CABIN1: variants seen among roughly 807,000 people sequenced by gnomAD.
CABIN1 encodes calcineurin-binding protein cabin-1.
CABIN1 carries 133 observed loss-of-function variants against 227.7 expected under a neutral mutation model. The observed-to-expected ratio is 0.58, with a 90% CI of 0.51 to 0.67. CABIN1 has a LOEUF of 0.67. Ranked by LOEUF, CABIN1 falls within the 30% of genes least tolerant of loss-of-function variation. CABIN1 has a pLI of 0.00. For synonymous variants in CABIN1, 1,086 were observed against 1,155.1 expected (o/e 0.94, Z 1.21); for missense variants, 2,408 against 2,852.5 (o/e 0.84, Z 3.55).
At chr22:24,048,761 A>G (rs534755405) in intron 6 of CABIN1, among the ~76,000 whole-genome samples, 184 of 152,280 alleles carry the variant, frequency 1.2e-3, no homozygotes, top group African/African-American at 3.4e-3. Context: ...TAGCCAATAG[A>G]TAATCACTGT....
At chr22:24,102,929 C>G (rs2147519128) in intron 26 of CABIN1, 1 of 152,910 alleles carries the variant, frequency 6.5e-6, no homozygotes, top group Admixed American at 6.5e-5. Context: ...CATGCTGTCA[C>G]CGTCTGTGTC....
chr22:24,026,010 A>AT (rs1040163733), intron 1 of CABIN1, among the ~76,000 whole-genome samples: 13 of 151,826 alleles, frequency 8.6e-5, no homozygotes, highest in South Asian at 6.2e-4. Flanking sequence ...ATTTTTTTGT[A>AT]TTTTTTTGTA....
chr22:24,115,220 T>G (rs1464455040), intron 27 of CABIN1, among the ~76,000 whole-genome samples: 1 of 152,224 alleles, frequency 6.6e-6, no homozygotes, highest in Admixed American at 6.5e-5. Flanking sequence ...CATCATGAGC[T>G]TCTTTCCCAC....
At chr22:24,110,953 A>AT (rs2042777018) in intron 26 of CABIN1, among the ~76,000 whole-genome samples, 1 of 148,906 alleles carries the variant, frequency 6.7e-6, no homozygotes, top group Admixed American at 6.7e-5. Context: ...GTCTTTTATT[A>AT]TTTTTGGGAA....
At chr22:24,012,178 C>T (rs2034864371) in intron 1 of CABIN1, among the ~76,000 whole-genome samples, 1 of 152,120 alleles carries the variant, frequency 6.6e-6, no homozygotes, top group Non-Finnish European at 1.5e-5. Context: ...GGGGTCCATA[C>T]TCTGTCTACT....
At chr22:24,129,361 G>T (rs771239751) in intron 28 of CABIN1, among the ~76,000 whole-genome samples, 2 of 152,278 alleles carry the variant, frequency 1.3e-5, no homozygotes, top group South Asian at 4.1e-4. Flanking sequence ...TAGTGGGCGG[G>T]GGCTGGCATT....
At chr22:24,136,348 T>G (rs556190251) in intron 29 of CABIN1, among the ~76,000 whole-genome samples, 3 of 103,458 alleles carry the variant, frequency 2.9e-5, no homozygotes, top group African/African-American at 1.4e-4. Flanking sequence ...CCATCCCTCC[T>G]TTTTTTTTTT....
intron 17 of CABIN1, 110 bp downstream of exon 17, chr22:24,071,152 G>T: frequency 6.9e-7 from 1 of 1,446,512 alleles, no homozygotes; most frequent in Non-Finnish European, 9.6e-7. Flanking sequence ...ACCCAAAGGG[G>T]ACATGATGGC....
At chr22:24,174,767 C>T (rs1227907070) in intron 34 of CABIN1, among the ~76,000 whole-genome samples, 2 of 152,134 alleles carry the variant, frequency 1.3e-5, no homozygotes, top group African/African-American at 2.4e-5. Context: ...CTATAAACAG[C>T]TGAGTGTCCC....
Position 24,176,030 on chromosome 22 carries a change from G to T in CABIN1, c.6041-81G>T, listed in dbSNP as rs543827388. On this transcript the variant is annotated intron_variant, in intron 34 of 36. Coordinates refer to ENST00000263119, the MANE Select transcript of CABIN1 (RefSeq NM_012295.4). Reference sequence around the variant, plus strand: ...CCCAGTGTCCCAGGGCACAACCTGGGCCCATAGGACCTGACACAGATGCGT... The same window carrying T: ...CCCAGTGTCCCAGGGCACAACCTGGTCCCATAGGACCTGACACAGATGCGT... The T allele has an allele frequency of 7.4e-6, 11 of 1,486,430 alleles. No homozygotes were observed. In the Admixed American group the frequency reaches 9.7e-5, roughly 13 times the overall value. 92.1% of individuals were successfully genotyped at this position (1,486,430 alleles called of 1,614,324 possible).
chr22:24,174,832 G>A (rs2047016523), intron 34 of CABIN1, among the ~76,000 whole-genome samples: 1 of 152,098 alleles, frequency 6.6e-6, no homozygotes, highest in East Asian at 1.9e-4. Context: ...AGAGAACACA[G>A]AGGAAGCCAT....
At chr22:24,123,939 G>A (rs1431054240) in intron 28 of CABIN1, among the ~76,000 whole-genome samples, 6 of 152,228 alleles carry the variant, frequency 3.9e-5, no homozygotes, top group Non-Finnish European at 8.8e-5. Context: ...GCCTGGAGCT[G>A]TGTGGTTGAC....
intron 28 of CABIN1, among the ~76,000 whole-genome samples, chr22:24,125,965 CA>C (rs1409536823): frequency 6.6e-5 from 10 of 152,184 alleles, no homozygotes; most frequent in African/African-American, 2.2e-4. Flanking sequence ...CTCTCTCCTG[CA>C]AAGAAATGCA....
chr22:24,156,095 C>CG, intron 29 of CABIN1: 1 of 413,480 alleles, frequency 2.4e-6, no homozygotes, highest in Non-Finnish European at 4.3e-6. Flanking sequence ...TTGGCGGGGG[C>CG]GGGGGCCGGG....
Position 24,098,046 on chromosome 22 carries a change from A to T in CABIN1, c.3971A>T (p.His1324Leu). ...EKACLVDEDSHSSAGTLPGPG... is the reference protein window; with the variant it reads ...EKACLVDEDSLSSAGTLPGPG... ...GCCTGCCTGGTGGACGAGGACTCCC[A>T]CTCTTCAGCTGGGACACTGCCGGGC... is the stretch of plus-strand genomic sequence containing the variant. Residue 1324 changes from histidine to leucine, a missense_variant, in exon 26 of 37, where the codon CAC becomes CTC. His to Leu is a moderately conservative substitution (Grantham distance 99). Coordinates refer to ENST00000263119, the MANE Select transcript of CABIN1 (RefSeq NM_012295.4). The T allele has an allele frequency of 6.2e-7, 1 of 1,613,468 alleles. No individual in the cohort carries two copies. Among genetic ancestry groups the T allele is most frequent in the Non-Finnish European group, 8.5e-7 (1 of 1,179,862 alleles).
chr22:24,041,767 G>T (rs2037395473), intron 5 of CABIN1, among the ~76,000 whole-genome samples: 1 of 152,166 alleles, frequency 6.6e-6, no homozygotes, highest in Non-Finnish European at 1.5e-5. Flanking sequence ...CAGACACTGC[G>T]CTGTTTGCTT....
At chr22:24,072,972 C>T (rs2034274598) in intron 18 of CABIN1, among the ~76,000 whole-genome samples, 1 of 152,178 alleles carries the variant, frequency 6.6e-6, no homozygotes, top group Non-Finnish European at 1.5e-5. Flanking sequence ...TCCCCATACC[C>T]ATATTGGGAA....
intron 24 of CABIN1, among the ~76,000 whole-genome samples, chr22:24,093,182 A>G (rs1268119318): frequency 1.3e-5 from 2 of 152,200 alleles, no homozygotes; most frequent in Non-Finnish European, 2.9e-5. Context: ...CTGACTGATG[A>G]GAGTGTTTGC....
chr22:24,166,927 G>T lies in CABIN1; in HGVS notation c.5296G>T (p.Ala1766Ser). Residue 1766 changes from alanine to serine, a missense_variant, in exon 32 of 37, where the codon GCC becomes TCC. Around this residue, in one of 3 missense-constraint regions of CABIN1, gnomAD observed 714 missense variants for 773.8 expected, o/e 0.92. Coordinates refer to ENST00000263119, the MANE Select transcript of CABIN1 (RefSeq NM_012295.4). ...CACTGAGCCCATGGACACGAGTGAG[G>T]CCACTGTTTGCCACTCAGACTTGGA... ...GPTEPMDTSE[A>S]TVCHSDLERT... 6.2e-7 allele frequency: 1 copy of T among 1,602,960 alleles called. No individual in the cohort carries two copies. The highest frequency in any genetic ancestry group is 1.1e-5 in the South Asian group (1 of 89,804).
Sources: allele counts gnomAD v4.1 joint callset (sites outside exome capture counted in the v4.1 genomes callset), GRCh38; gene constraint gnomAD v4.1.1; regional missense constraint gnomAD v4.1.1; transcripts MANE v1.5; gene names NCBI Gene and HGNC (gene_info 2026-07-23, HGNC 2026-07-21).